METAP1D: variants seen among roughly 807,000 people sequenced by gnomAD.
METAP1D encodes methionine aminopeptidase 1D, mitochondrial.
In METAP1D, 31 loss-of-function variants were observed where a neutral mutation model predicts 40.5. The ratio of observed to expected loss-of-function variants is 0.77; its 90% CI spans 0.58 to 1.03. The LOEUF (loss-of-function observed/expected upper bound fraction) is 1.03, where lower values mean the gene tolerates loss of function less well. Among genes scored for constraint, METAP1D ranks in the 50% least tolerant of loss-of-function variants. METAP1D has a pLI of 0.00. For missense variants in METAP1D, 411 were observed against 420.7 expected (o/e 0.98, Z 0.20); for synonymous variants, 151 against 146.4 (o/e 1.03, Z -0.22).
In METAP1D at chr2:172,048,393, T is replaced by G. The variant is rs1040551699; in HGVS notation, c.41-13105T>G. The stretch of plus-strand genomic sequence containing the variant: ...ACCTTATGCCACTTTCGATATATCA[T>G]GTCATACAATTATCATAGCAACCCT... On this transcript the variant is annotated intron_variant, in intron 1 of 9. Transcript: ENST00000315796. Among the ~76,000 whole-genome samples, 3 of 152,242 alleles carry G rather than the reference T, an allele frequency of 2.0e-5. No homozygotes were observed. In the South Asian group the frequency reaches 6.2e-4, roughly 32 times the overall value.
intron 1 of METAP1D, among the ~76,000 whole-genome samples, chr2:172,038,801 A>G (rs1689451768): frequency 6.6e-6 from 1 of 152,218 alleles, no homozygotes; most frequent in African/African-American, 2.4e-5. Flanking sequence ...TTTGCCATTT[A>G]TGCAGTCAGT....
intron 1 of METAP1D, among the ~76,000 whole-genome samples, chr2:172,019,440 G>T (rs1463416210): frequency 1.3e-5 from 2 of 152,086 alleles, no homozygotes; most frequent in Non-Finnish European, 2.9e-5. Flanking sequence ...ATGGGGCTGG[G>T]CATGGTGGCT....
At chr2:172,007,363 G>T (rs937637143) in intron 1 of METAP1D, among the ~76,000 whole-genome samples, 4 of 151,592 alleles carry the variant, frequency 2.6e-5, no homozygotes, top group African/African-American at 9.7e-5. Flanking sequence ...TTTATAAGTG[G>T]CATGACAGAT....
chr2:172,039,307 T>C (rs1337043170), intron 1 of METAP1D, among the ~76,000 whole-genome samples: 2 of 152,190 alleles, frequency 1.3e-5, no homozygotes, highest in Non-Finnish European at 2.9e-5. Context: ...CAGAAATAAT[T>C]AAGTGTCCAG....
chr2:172,055,776 T>C (rs75591892), intron 1 of METAP1D, among the ~76,000 whole-genome samples: 1 of 152,256 alleles, frequency 6.6e-6, no homozygotes, highest in African/African-American at 2.4e-5. Context: ...AAGTGTCTTA[T>C]GAAAGTGAAA....
At chr2:172,026,019 G>T (rs755910772) in intron 1 of METAP1D, among the ~76,000 whole-genome samples, 2 of 152,090 alleles carry the variant, frequency 1.3e-5, no homozygotes, top group Non-Finnish European at 2.9e-5. Flanking sequence ...TAATTTCTTA[G>T]TATCAAATAT....
chr2:172,063,853 G>A lies in METAP1D; in HGVS notation c.341G>A (p.Ser114Asn). The stretch of plus-strand genomic sequence containing the variant: ...CACGTCCTCCTCTTGGCTGGGAAGA[G>A]TTTAAAGGTGGCGTCTCACCAAGCC... ...ARHVLLLAGK[S>N]LKVDMTTEEI... is the part of the protein sequence containing the mutation. The change falls in exon 3 of 10, where the codon AGT (serine) becomes AAT (asparagine). Residue 114 changes from serine to asparagine, a missense_variant. Coordinates refer to ENST00000315796, the MANE Select transcript of METAP1D (RefSeq NM_199227.3). The A allele has an allele frequency of 1.2e-6, 2 of 1,609,188 alleles. No homozygotes were observed. The highest frequency in any genetic ancestry group is 1.7e-6 in the Non-Finnish European group (2 of 1,178,252).
intron 1 of METAP1D, among the ~76,000 whole-genome samples, chr2:172,024,162 T>A (rs941154369): frequency 8.5e-5 from 13 of 152,132 alleles, no homozygotes; most frequent in Admixed American, 8.5e-4. Flanking sequence ...CCTGGCCTCA[T>A]TGTAAAATTC....
intron 1 of METAP1D, among the ~76,000 whole-genome samples, chr2:172,022,317 A>G (rs189903340): frequency 4.6e-5 from 7 of 152,262 alleles, no homozygotes; most frequent in Admixed American, 4.6e-4. Context: ...CTGCTTGCCC[A>G]GAGGCTGGTG....
In METAP1D at chr2:172,071,018, A is replaced by G. The variant is rs1690408748; in HGVS notation, c.652A>G (p.Ile218Val). Residue 218 changes from isoleucine to valine, a missense_variant, in exon 6 of 10, where the codon ATT becomes GTT. By Grantham distance (29) the Ile-to-Val change is conservative (BLOSUM62 3). Transcript: ENST00000315796. The part of the protein sequence containing the change: ...EVARRCRDEA[I>V]AACRAGAPFS... ...TGCCAGGAGGTGTAGAGATGAAGCA[A>G]TTGCAGCTTGCAGAGCAGGGGCTCC... 1.9e-6 allele frequency: 3 copies of G among 1,613,128 alleles called. No homozygotes were observed. Among genetic ancestry groups the G allele is most frequent in the South Asian group, 1.1e-5 (1 of 91,012 alleles).
chr2:172,041,036 G>A (rs1382519926), intron 1 of METAP1D, among the ~76,000 whole-genome samples: 9 of 151,426 alleles, frequency 5.9e-5, no homozygotes, highest in African/African-American at 2.2e-4. Flanking sequence ...AAAGTGCTGG[G>A]ATTACAGGCG....
intron 1 of METAP1D, among the ~76,000 whole-genome samples, chr2:172,035,154 TTTTGTTTGTTTG>T (rs1553492540): frequency 6.7e-6 from 1 of 150,086 alleles, no homozygotes; most frequent in Admixed American, 6.6e-5. Flanking sequence ...TGTGTTTTTT[TTTTGTTTGTTTG>T]TTTGTTTGTT....
At chr2:172,080,254 A>T (rs1398521525) in intron 9 of METAP1D, 48 bp downstream of exon 9, 1 of 1,613,878 alleles carries the variant, frequency 6.2e-7, no homozygotes, top group Admixed American at 1.7e-5. Flanking sequence ...GGAAAGGAAG[A>T]TTGGTCCGAC....
At chr2:172,001,865 G>C (rs1228907529) in intron 1 of METAP1D, among the ~76,000 whole-genome samples, 1 of 152,118 alleles carries the variant, frequency 6.6e-6, no homozygotes, top group Non-Finnish European at 1.5e-5. Context: ...GGGAGGCCAA[G>C]GCGGGCAGAT....
At chr2:172,034,619 T>G (rs979185424) in intron 1 of METAP1D, among the ~76,000 whole-genome samples, 3 of 152,234 alleles carry the variant, frequency 2.0e-5, no homozygotes, top group South Asian at 4.1e-4. Context: ...CTTAGAAAAT[T>G]TAGTAGCTTT....
chr2:172,045,809 GTGTGTGTGTGTATATATATATATA>G lies in METAP1D; in HGVS notation c.41-15687_41-15664del, dbSNP rs1467861161. ...TGTATATGTATATATGTGTGTGTGT[GTGTGTGTGTGTATATATATATATA>G]TATATATATATATATATATATATAT... On this transcript the variant is annotated intron_variant, in intron 1 of 9. Coordinates refer to ENST00000315796, the MANE Select transcript of METAP1D (RefSeq NM_199227.3). Among the ~76,000 whole-genome samples the G allele has an allele frequency of 1.3e-3, 92 of 69,952 alleles. 4 individuals are homozygous for G. The highest frequency in any genetic ancestry group is 5.8e-3 in the Middle Eastern group (1 of 172). 45.9% of individuals were successfully genotyped at this position (69,952 alleles called of 152,430 possible). A position where few individuals can be genotyped will look rare whatever the true frequency, so the allele number is the denominator to read the frequency against.
At chr2:172,003,424 A>G (rs896161165) in intron 1 of METAP1D, among the ~76,000 whole-genome samples, 1 of 152,188 alleles carries the variant, frequency 6.6e-6, no homozygotes, top group Non-Finnish European at 1.5e-5. Flanking sequence ...AGGAAATCTC[A>G]GCTTGAATTG....
At chr2:172,045,807 G>A (rs1211518423) in intron 1 of METAP1D, among the ~76,000 whole-genome samples, 1 of 52,864 alleles carries the variant, frequency 1.9e-5, no homozygotes, top group African/African-American at 7.3e-5. Context: ...ATGTGTGTGT[G>A]TGTGTGTGTG....
intron 1 of METAP1D, among the ~76,000 whole-genome samples, chr2:172,051,470 G>C (rs550765213): frequency 3.9e-5 from 6 of 152,296 alleles, no homozygotes; most frequent in African/African-American, 1.4e-4. Context: ...GAAGCAAAAT[G>C]AAGTGTTTTC....
Sources: gnomAD v4.1 joint callset for allele counts (sites outside exome capture counted in the v4.1 genomes callset) on GRCh38, gnomAD v4.1.1 for gene constraint, MANE v1.5 for transcripts, NCBI Gene and HGNC (gene_info 2026-07-23, HGNC 2026-07-21) for gene names.